The following QSOX2 variants were observed in gnomAD, a reference collection of about 807,000 sequenced individuals.
QSOX2 encodes the protein sulfhydryl oxidase 2.
QSOX2 carries 46 observed loss-of-function variants against 61.7 expected under a neutral mutation model. That is an observed-to-expected ratio of 0.75 (90% CI 0.59 to 0.95). The LOEUF is 0.95. QSOX2 is among the 40% of genes least tolerant of loss of function. The pLI is 0.00. For missense variants in QSOX2, 879 were observed against 918.9 expected (o/e 0.96, Z 0.56); for synonymous variants, 383 against 388.4 (o/e 0.99, Z 0.16).
At chr9:136,218,654 A>G (rs368839456) in intron 8 of QSOX2, 25 bp downstream of exon 8, 1 of 1,607,376 alleles carries the variant, frequency 6.2e-7, no homozygotes, top group African/African-American at 1.3e-5. Context: ...TCCCACATGC[A>G]GCCCAGACCA....
chr9:136,211,562 C>T (rs1831847070), intron 10 of QSOX2, 110 bp from the exon 11 acceptor site: 2 of 1,043,908 alleles, frequency 1.9e-6, no homozygotes, highest in Non-Finnish European at 2.8e-6. Flanking sequence ...CGGGAAGCCA[C>T]CTCATGTCTC....
intron 1 of QSOX2, among the ~76,000 whole-genome samples, chr9:136,229,072 T>G (rs1830307487): frequency 6.6e-6 from 1 of 152,220 alleles, no homozygotes; most frequent in South Asian, 2.1e-4. Context: ...TACTGGCCTT[T>G]TCTCCCTGTA....
chr9:136,211,879 A>G (rs926048911), intron 10 of QSOX2, among the ~76,000 whole-genome samples: 5 of 151,922 alleles, frequency 3.3e-5, no homozygotes, highest in Non-Finnish European at 7.4e-5. Flanking sequence ...CTTACAAGCA[A>G]CTCTCAGGGG....
rs1186094402 is a variant in QSOX2 at position 136,223,153 on chromosome 9, A to G, written c.675+610T>C. Among the ~76,000 whole-genome samples the G allele has an allele frequency of 6.6e-6, 1 of 152,144 alleles. No homozygotes were observed. The highest frequency in any genetic ancestry group is 1.5e-5 in the Non-Finnish European group (1 of 68,016). On this transcript the variant is annotated intron_variant, in intron 5 of 11. Coordinates refer to ENST00000358701, the MANE Select transcript of QSOX2 (RefSeq NM_181701.4). The surrounding 1 kb of genome is among the most constrained non-coding windows in gnomAD (Gnocchi z 4.4). ...GAAAAACAGTCGCCTATCAAGTTGC[A>G]AGGAGGAGGAGGAGAAGCTCAGGGT...
chr9:136,226,707 G>A (rs1325015658), intron 2 of QSOX2, 67 bp downstream of exon 2: 18 of 1,299,810 alleles, frequency 1.4e-5, no homozygotes, highest in African/African-American at 5.8e-5. Context: ...AAGCAGCCGC[G>A]TGATGCTCAC....
chr9:136,233,219 C>G (rs1384834074), intron 1 of QSOX2, among the ~76,000 whole-genome samples: 2 of 152,182 alleles, frequency 1.3e-5, no homozygotes, highest in African/African-American at 4.8e-5. Context: ...CACGAGAAGG[C>G]CTGGGCAATG....
At position 136,206,335 on chromosome 9, in the gene QSOX2, T is replaced by C. The variant is rs917365801; in HGVS notation, c.*2393A>G. 6.6e-6 allele frequency: 1 copy of C among 152,666 alleles called. No homozygotes were observed. Among genetic ancestry groups the C allele is most frequent in the South Asian group, 2.1e-4 (1 of 4,832 alleles). 9.5% of individuals were successfully genotyped at this position (152,666 alleles called of 1,614,324 possible). A position where few individuals can be genotyped will look rare whatever the true frequency, so the allele number is the denominator to read the frequency against. ...TTCACATTTCAAAAGAATCACCATT[T>C]TTTCAAATGTCAGATTTCTTTATTA... On this transcript the variant is annotated 3_prime_UTR_variant, in exon 12 of 12. Coordinates refer to ENST00000358701, the MANE Select transcript of QSOX2 (RefSeq NM_181701.4).
At chr9:136,237,401 AGCCTGTCCTG>A (rs1830394926) in intron 1 of QSOX2, among the ~76,000 whole-genome samples, 1 of 140,188 alleles carries the variant, frequency 7.1e-6, no homozygotes, top group Non-Finnish European at 1.5e-5. Flanking sequence ...CGTCACCTGG[AGCCTGTCCTG>A]GGCCTGCATC....
chr9:136,225,847 G>A (rs770082343), intron 2 of QSOX2, among the ~76,000 whole-genome samples: 25 of 152,356 alleles, frequency 1.6e-4, no homozygotes, highest in African/African-American at 2.9e-4. Context: ...AAGAGGGCCC[G>A]AAAGTTTACA....
In QSOX2 at chr9:136,245,514, T is replaced by G; in HGVS notation, c.290A>C (p.Tyr97Ser). 6.3e-7 allele frequency: 1 copy of G among 1,594,168 alleles called. No homozygotes were observed. Among genetic ancestry groups the G allele is most frequent in the Non-Finnish European group, 8.5e-7 (1 of 1,177,492 alleles). The change falls in exon 1 of 12, where the codon TAC (tyrosine) becomes TCC (serine). Residue 97 changes from tyrosine to serine, a missense_variant. Physicochemically the swap from Tyr to Ser is moderately radical, Grantham distance 144. Coordinates refer to ENST00000358701, the MANE Select transcript of QSOX2 (RefSeq NM_181701.4). ...YSSWCGHCIG[Y>S]APTWRALAGD... ...AGCCAGGGCCCGCCAAGTGGGCGCGTAGCCGATGCAGTGGCCACACCACGA... is the reference window on the plus strand; with the variant it reads ...AGCCAGGGCCCGCCAAGTGGGCGCGGAGCCGATGCAGTGGCCACACCACGA...
intron 1 of QSOX2, among the ~76,000 whole-genome samples, chr9:136,235,332 T>C (rs1332233172): frequency 1.3e-5 from 2 of 152,136 alleles, no homozygotes; most frequent in East Asian, 1.9e-4. Context: ...CTGACAAGCA[T>C]GTGCTGGGGA....
intron 1 of QSOX2, among the ~76,000 whole-genome samples, chr9:136,241,345 T>A (rs1830432038): frequency 6.6e-6 from 1 of 152,050 alleles, no homozygotes; most frequent in Non-Finnish European, 1.5e-5. Context: ...CATGTCCCCC[T>A]CCCTCTGGCC....
chr9:136,219,257 C>T, intron 6 of QSOX2, 93 bp from the exon 7 acceptor site: 1 of 1,437,942 alleles, frequency 7.0e-7, no homozygotes, highest in Non-Finnish European at 9.2e-7. Context: ...TGGGCCACCC[C>T]TTTCATCCTT....
At chr9:136,213,073 C>T (rs1588632599) in intron 10 of QSOX2, among the ~76,000 whole-genome samples, 1 of 152,112 alleles carries the variant, frequency 6.6e-6, no homozygotes, top group African/African-American at 2.4e-5. Context: ...TTGGCCAACA[C>T]TGTACCCACA....
Position 136,209,037 on chromosome 9 carries a change from G to A in QSOX2, c.1788C>T (p.Pro596=). The A allele has an allele frequency of 6.2e-7, 1 of 1,614,104 alleles. No homozygotes were observed. Among genetic ancestry groups the A allele is most frequent in the Non-Finnish European group, 8.5e-7 (1 of 1,179,986 alleles). The part of the protein sequence containing the change: ...RGEEEEKRLT[P]PEVSHGDRDT... Reference sequence around the variant, plus strand: ...CTCGGTCTCCATGGGACACCTCTGGGGGAGTGAGTCTTTTCTCCTCTTCCT... The same window carrying A: ...CTCGGTCTCCATGGGACACCTCTGGAGGAGTGAGTCTTTTCTCCTCTTCCT... The change falls in exon 12 of 12, where the codon CCC becomes CCT. Residue 596 remains proline (P), a synonymous_variant. Coordinates refer to ENST00000358701, the MANE Select transcript of QSOX2 (RefSeq NM_181701.4). This position sits in a 1 kb window ranked among gnomAD's most constrained non-coding sequence, Gnocchi z 5.6.
Position 136,208,764 on chromosome 9 carries a change from C to G in QSOX2, c.2061G>C (p.Arg687Ser). The change falls in exon 12 of 12, where the codon AGG becomes AGC. Residue 687 changes from arginine (R) to serine (S), a missense_variant. Transcript: ENST00000358701. The part of the protein sequence containing the change: ...VMYFFFRVRS[R>S]RWKVKHHHPA... ...GGTGGTGGTGCTTGACCTTCCACCG[C>G]CTGGACCTCACCCGGAAGAAGAAGT... 1 of 1,613,444 alleles carries G rather than the reference C, an allele frequency of 6.2e-7. No homozygotes were observed. The highest frequency in any genetic ancestry group is 8.5e-7 in the Non-Finnish European group (1 of 1,179,884).
At chr9:136,241,459 C>T (rs1017024478) in intron 1 of QSOX2, among the ~76,000 whole-genome samples, 3 of 152,222 alleles carry the variant, frequency 2.0e-5, no homozygotes, top group Admixed American at 1.3e-4. Context: ...GACAAGAAAC[C>T]AGACCAAGTG....
At chr9:136,235,517 G>T (rs184526443) in intron 1 of QSOX2, among the ~76,000 whole-genome samples, 1 of 152,228 alleles carries the variant, frequency 6.6e-6, no homozygotes, top group Non-Finnish European at 1.5e-5. Flanking sequence ...GGCTCGGGCC[G>T]GTTCACAAGA....
rs148473207 is a variant in QSOX2, at chr9:136,233,850, T to G, written c.329-6976A>C. ...CTTTCTTCTATGACACGGACCCTTTTCTAAAACAGGCACTAAAACTAAAGC... is the reference window on the plus strand; with the variant it reads ...CTTTCTTCTATGACACGGACCCTTTGCTAAAACAGGCACTAAAACTAAAGC... On this transcript the variant is annotated intron_variant, in intron 1 of 11. Coordinates refer to ENST00000358701, the MANE Select transcript of QSOX2 (RefSeq NM_181701.4). 7.6e-4 allele frequency among the ~76,000 whole-genome samples: 116 copies of G among 152,302 alleles called. 1 individual carries two copies. The East Asian group carries it at 0.018, about 24-fold the overall frequency.
Sources: gnomAD v4.1 joint callset for allele counts (sites outside exome capture counted in the v4.1 genomes callset) on GRCh38, gnomAD v4.1.1 for gene constraint, Gnocchi (gnomAD v3.1) non-coding constraint, MANE v1.5 for transcripts, NCBI Gene and HGNC (gene_info 2026-07-23, HGNC 2026-07-21) for gene names.